RAB15: variants seen among roughly 807,000 people sequenced by gnomAD.
The protein encoded by RAB15 is ras-related protein Rab-15.
A neutral mutation model predicts 31.8 loss-of-function variants in RAB15; 13 were observed. That is an observed-to-expected ratio of 0.41 (90% CI 0.27 to 0.65). RAB15 has a LOEUF of 0.65. Ranked by LOEUF, RAB15 falls within the 30% of genes least tolerant of loss-of-function variation. RAB15 has a pLI of 0.32. For synonymous variants in RAB15, 100 were observed against 105.6 expected, an observed-to-expected ratio of 0.95 and a Z score of 0.33; for missense variants, 220 against 277.3, an observed-to-expected ratio of 0.79 and a Z score of 1.47.
rs923241412 is a variant in RAB15, at chr14:64,953,489, C to T, written c.125-918G>A. On this transcript the variant is annotated intron_variant, in intron 1 of 6. Coordinates refer to ENST00000533601, the MANE Select transcript of RAB15 (RefSeq NM_001308154.2). The surrounding 1 kb of genome is among the most constrained non-coding windows in gnomAD (Gnocchi z 4.6). The stretch of plus-strand genomic sequence containing the variant: ...AGTGGCATGGCATGGCATGTCACTG[C>T]GGGAGGGAAAGGAAGCAAAGAGTTC... Among the ~76,000 whole-genome samples the T allele has an allele frequency of 2.6e-5, 4 of 152,134 alleles. No individual in the cohort carries two copies. The highest frequency in any genetic ancestry group is 2.1e-4 in the South Asian group (1 of 4,820).
chr14:64,965,986 A>T (rs896191309), intron 1 of RAB15, among the ~76,000 whole-genome samples: 1 of 152,116 alleles, frequency 6.6e-6, no homozygotes, highest in African/African-American at 2.4e-5. Context: ...CCTGAGGCAG[A>T]GCGACACCTA....
Position 64,954,204 on chromosome 14 carries a change from C to A in RAB15, c.125-1633G>T. On this transcript the variant is annotated intron_variant, in intron 1 of 6. Transcript: ENST00000533601. This position sits in a 1 kb window ranked among gnomAD's most constrained non-coding sequence, Gnocchi z 4.3. Reference sequence around the variant, plus strand: ...ACTTTTCCAAATGGGCAATGCCTGGCAGCCATTCTTCCATGTGTGCAGAGA... The same window carrying A: ...ACTTTTCCAAATGGGCAATGCCTGGAAGCCATTCTTCCATGTGTGCAGAGA... The A allele has an allele frequency of 1.0e-6, 1 of 985,382 alleles. No individual in the cohort carries two copies. Among genetic ancestry groups the A allele is most frequent in the Non-Finnish European group, 1.2e-6 (1 of 829,928 alleles). 61.0% of individuals were successfully genotyped at this position (985,382 alleles called of 1,614,324 possible). A position where few individuals can be genotyped will look rare whatever the true frequency, so the allele number is the denominator to read the frequency against.
chr14:64,951,967 G>A lies in RAB15; in HGVS notation c.186-304C>T, dbSNP rs1886276714. Among the ~76,000 whole-genome samples, 1 of 152,208 alleles carries A rather than the reference G, an allele frequency of 6.6e-6. No homozygotes were observed. On this transcript the variant is annotated intron_variant, in intron 2 of 6. Coordinates refer to ENST00000533601, the MANE Select transcript of RAB15 (RefSeq NM_001308154.2). The surrounding 1 kb of genome is among the most constrained non-coding windows in gnomAD (Gnocchi z 7.2). Reference sequence around the variant, plus strand: ...ACTGTGGCCAGATTTGGTTGGATGGGAGTTGGCAGGGGATGCTGCTACACC... The same window carrying A: ...ACTGTGGCCAGATTTGGTTGGATGGAAGTTGGCAGGGGATGCTGCTACACC...
At chr14:64,960,361 A>G (rs1335333470) in intron 1 of RAB15, among the ~76,000 whole-genome samples, 1 of 152,188 alleles carries the variant, frequency 6.6e-6, no homozygotes, top group Non-Finnish European at 1.5e-5. Flanking sequence ...CATCCACACT[A>G]AAGAACACCC....
chr14:64,950,549 T>TGGCTAG lies in RAB15; in HGVS notation c.325-136_325-135insCTAGCC. 1.3e-6 allele frequency: 1 copy of TGGCTAG among 770,306 alleles called. No homozygotes were observed. 47.7% of individuals were successfully genotyped at this position (770,306 alleles called of 1,614,324 possible). On this transcript the variant is annotated intron_variant, in intron 4 of 6. Transcript: ENST00000533601. This position sits in a 1 kb window ranked among gnomAD's most constrained non-coding sequence, Gnocchi z 5.6. ...ACAGGGTGGGCCGACTGGATGCAGG[T>TGGCTAG]GCCAGGCTCCCCCAAGTGCCATGGC...
At position 64,954,698 on chromosome 14, in the gene RAB15, G is replaced by A. The variant is rs191629604; in HGVS notation, c.125-2127C>T. 2.0e-4 allele frequency among the ~76,000 whole-genome samples: 30 copies of A among 152,318 alleles called. No individual in the cohort carries two copies. Among genetic ancestry groups the A allele is most frequent in the East Asian group, 3.9e-4 (2 of 5,184 alleles). On this transcript the variant is annotated intron_variant, in intron 1 of 6. Transcript: ENST00000533601. The surrounding 1 kb of genome is among the most constrained non-coding windows in gnomAD (Gnocchi z 4.3). ...TGGCTAGCCAGGGTCAGCACAGCAC[G>A]TGCAGAGATTCCAACACAGGTCCAT...
Position 64,971,867 on chromosome 14 carries a change from C to G in RAB15, c.124+86G>C. ...CACCGCCTCCAGCCGGAGGGGCTGGCAATTCCTCCCCAGCTGGGGACGGGG... is the reference window on the plus strand; with the variant it reads ...CACCGCCTCCAGCCGGAGGGGCTGGGAATTCCTCCCCAGCTGGGGACGGGG... On this transcript the variant is annotated intron_variant, in intron 1 of 6. Coordinates refer to ENST00000533601, the MANE Select transcript of RAB15 (RefSeq NM_001308154.2). The surrounding 1 kb of genome is among the most constrained non-coding windows in gnomAD (Gnocchi z 4.1). 1 of 1,313,452 alleles carries G rather than the reference C, an allele frequency of 7.6e-7. No individual in the cohort carries two copies. Among genetic ancestry groups the G allele is most frequent in the Admixed American group, 2.1e-5 (1 of 47,056 alleles). 81.4% of individuals were successfully genotyped at this position (1,313,452 alleles called of 1,614,324 possible). A position where few individuals can be genotyped will look rare whatever the true frequency, so the allele number is the denominator to read the frequency against.
Position 64,951,520 on chromosome 14 carries a change from C to G in RAB15, c.246+83G>C, listed in dbSNP as rs973468119. 8.0e-7 allele frequency: 1 copy of G among 1,249,742 alleles called. No individual in the cohort carries two copies. 77.4% of individuals were successfully genotyped at this position (1,249,742 alleles called of 1,614,324 possible). ...GCAGGCGAACTGTATTTAGGGGATC[C>G]GTGGCACAGACATCTCAAATACCCA... On this transcript the variant is annotated intron_variant, in intron 3 of 6. Coordinates refer to ENST00000533601, the MANE Select transcript of RAB15 (RefSeq NM_001308154.2). This position sits in a 1 kb window ranked among gnomAD's most constrained non-coding sequence, Gnocchi z 7.2.
chr14:64,948,603 C>G lies in RAB15; in HGVS notation c.480+65G>C. The G allele has an allele frequency of 1.2e-6, 2 of 1,609,914 alleles. No individual in the cohort carries two copies. The highest frequency in any genetic ancestry group is 1.7e-6 in the Non-Finnish European group (2 of 1,176,938). On this transcript the variant is annotated intron_variant, in intron 6 of 6. Transcript: ENST00000533601. The surrounding 1 kb of genome is among the most constrained non-coding windows in gnomAD (Gnocchi z 7.0). ...CTGAGGGATAAGGTCCATCTTATGG[C>G]TCCTCCTCCCACCTCTGCTGGACTC...
In RAB15 at chr14:64,945,834, A is replaced by G. The variant is rs977157041; in HGVS notation, c.*2520T>C. On this transcript the variant is annotated 3_prime_UTR_variant, in exon 7 of 7. Coordinates refer to ENST00000533601, the MANE Select transcript of RAB15 (RefSeq NM_001308154.2). ...ACACCGGTGGTTTGAAATAATCTTTATTTTGTAAACATCTGTGTTTAAAAT... is the reference window on the plus strand; with the variant it reads ...ACACCGGTGGTTTGAAATAATCTTTGTTTTGTAAACATCTGTGTTTAAAAT... 6.5e-6 allele frequency: 1 copy of G among 152,672 alleles called. No individual in the cohort carries two copies. The highest frequency in any genetic ancestry group is 2.4e-5 in the African/African-American group (1 of 41,450). The allele number at this position is 152,672 out of a possible 1,614,324, so 9.5% of individuals were successfully genotyped here. A position where few individuals can be genotyped will look rare whatever the true frequency, so the allele number is the denominator to read the frequency against.
chr14:64,950,379 C>A lies in RAB15; in HGVS notation c.360G>T (p.Gly120=). The A allele has an allele frequency of 4.3e-6, 7 of 1,612,864 alleles. No homozygotes were observed. Among genetic ancestry groups the A allele is most frequent in the Non-Finnish European group, 5.9e-6 (7 of 1,179,264 alleles). ...APEGVQKILI[G]NKADEEQKRQ... Reference sequence around the variant, plus strand: ...GTTTCTGCTCCTCATCAGCCTTATTCCCAATAAGGATCTTCTGGACGCCTT... The same window carrying A: ...GTTTCTGCTCCTCATCAGCCTTATTACCAATAAGGATCTTCTGGACGCCTT... Residue 120 remains glycine (G), a synonymous_variant, in exon 5 of 7, where the codon GGG becomes GGT. Coordinates refer to ENST00000533601, the MANE Select transcript of RAB15 (RefSeq NM_001308154.2). The surrounding 1 kb of genome is among the most constrained non-coding windows in gnomAD (Gnocchi z 5.6).
In RAB15 at chr14:64,951,196, T is replaced by G. The variant is rs763156781; in HGVS notation, c.247-45A>C. 1 of 1,522,840 alleles carries G rather than the reference T, an allele frequency of 6.6e-7. No homozygotes were observed. Among genetic ancestry groups the G allele is most frequent in the Non-Finnish European group, 9.1e-7 (1 of 1,103,828 alleles). The allele number at this position is 1,522,840 out of a possible 1,614,324, so 94.3% of individuals were successfully genotyped here. A position where few individuals can be genotyped will look rare whatever the true frequency, so the allele number is the denominator to read the frequency against. On this transcript the variant is annotated intron_variant, in intron 3 of 6. Transcript: ENST00000533601. This position sits in a 1 kb window ranked among gnomAD's most constrained non-coding sequence, Gnocchi z 7.2. ...AGAGATGTGATATGCACAGAGAGAG[T>G]GCAGTCATGGGGCCAGAAGGGGCCG...
chr14:64,948,221 GGAGTAGTGGCTACT>G lies in RAB15; in HGVS notation c.*119_*132del. ...GAGCCGCTCTCAGGGCCAGGCAGGGGGAGTAGTGGCTACTGATACTCAATAGGGTCATCACACGA... is the reference window on the plus strand; with the variant it reads ...GAGCCGCTCTCAGGGCCAGGCAGGGGGATACTCAATAGGGTCATCACACGA... On this transcript the variant is annotated 3_prime_UTR_variant, in exon 7 of 7. Transcript: ENST00000533601. The surrounding 1 kb of genome is among the most constrained non-coding windows in gnomAD (Gnocchi z 7.0). 1.1e-6 allele frequency: 1 copy of G among 926,692 alleles called. No individual in the cohort carries two copies. The highest frequency in any genetic ancestry group is 1.5e-6 in the Non-Finnish European group (1 of 656,614). 57.4% of individuals were successfully genotyped at this position (926,692 alleles called of 1,614,324 possible). A position where few individuals can be genotyped will look rare whatever the true frequency, so the allele number is the denominator to read the frequency against.
intron 1 of RAB15, among the ~76,000 whole-genome samples, chr14:64,967,235 C>CCCTCCT (rs1887185579): frequency 6.6e-6 from 1 of 152,156 alleles, no homozygotes; most frequent in Non-Finnish European, 1.5e-5. Context: ...GCTTTCAAAA[C>CCCTCCT]AAAAGGTCCA....
chr14:64,961,006 G>T (rs879483445), intron 1 of RAB15, among the ~76,000 whole-genome samples: 1 of 152,200 alleles, frequency 6.6e-6, no homozygotes, highest in Non-Finnish European at 1.5e-5. Context: ...AGCTCCGCAT[G>T]CTTCAGTGGA....
Position 64,959,848 on chromosome 14 carries a change from CAAAAAAAAAA to C in RAB15, c.125-7287_125-7278del, listed in dbSNP as rs34981340. Among the ~76,000 whole-genome samples, 23 of 42,060 alleles carry C rather than the reference CAAAAAAAAAA, an allele frequency of 5.5e-4. 1 individual carries two copies. Among genetic ancestry groups the C allele is most frequent in the Admixed American group, 2.9e-4 (1 of 3,484 alleles). The allele number at this position is 42,060 out of a possible 152,430, so 27.6% of individuals were successfully genotyped here. ...TGAGTGACAGAGCAGGACCCTGTCT[CAAAAAAAAAA>C]AAAAAAAAAAAAAAGCAATTCCATG... On this transcript the variant is annotated intron_variant, in intron 1 of 6. Transcript: ENST00000533601.
chr14:64,948,680 G>C lies in RAB15; in HGVS notation c.468C>G (p.Leu156=), dbSNP rs766049413. The part of the protein sequence containing the change: ...DFYETSACTN[L]NIKESFTRLT... ...CCAGGGCTCTCACCTCTTTAATGTTGAGGTTGGTGCAGGCACTTGTTTCAT... is the reference window on the plus strand; with the variant it reads ...CCAGGGCTCTCACCTCTTTAATGTTCAGGTTGGTGCAGGCACTTGTTTCAT... The change falls in exon 6 of 7, where the codon CTC becomes CTG. Residue 156 remains leucine, a synonymous_variant. Transcript: ENST00000533601. This position sits in a 1 kb window ranked among gnomAD's most constrained non-coding sequence, Gnocchi z 7.0. The C allele has an allele frequency of 6.2e-7, 1 of 1,614,136 alleles. No individual in the cohort carries two copies. The highest frequency in any genetic ancestry group is 8.5e-7 in the Non-Finnish European group (1 of 1,180,022).
At position 64,950,874 on chromosome 14, in the gene RAB15, G is replaced by A. The variant is rs533457529; in HGVS notation, c.324+200C>T. Reference sequence around the variant, plus strand: ...ATTCATTTCCGGGAAAGACACAGCCGTGGAGGCCTGGCAGGGTATAGAGAG... The same window carrying A: ...ATTCATTTCCGGGAAAGACACAGCCATGGAGGCCTGGCAGGGTATAGAGAG... On this transcript the variant is annotated intron_variant, in intron 4 of 6. Coordinates refer to ENST00000533601, the MANE Select transcript of RAB15 (RefSeq NM_001308154.2). The surrounding 1 kb of genome is among the most constrained non-coding windows in gnomAD (Gnocchi z 5.6). 2.9e-5 allele frequency: 30 copies of A among 1,021,976 alleles called. No individual in the cohort carries two copies. The highest frequency in any genetic ancestry group is 4.8e-5 in the African/African-American group (3 of 62,454). The allele number at this position is 1,021,976 out of a possible 1,614,324, so 63.3% of individuals were successfully genotyped here. A position where few individuals can be genotyped will look rare whatever the true frequency, so the allele number is the denominator to read the frequency against.
chr14:64,957,627 T>TA (rs1886647649), intron 1 of RAB15, among the ~76,000 whole-genome samples: 1 of 152,184 alleles, frequency 6.6e-6, no homozygotes. Flanking sequence ...TCAGCTCTTA[T>TA]GCGGGTCCCA....
Sources: allele counts gnomAD v4.1 joint callset (sites outside exome capture counted in the v4.1 genomes callset), GRCh38; gene constraint gnomAD v4.1.1; non-coding constraint Gnocchi (gnomAD v3.1); transcripts MANE v1.5; gene names NCBI Gene and HGNC (gene_info 2026-07-23, HGNC 2026-07-21).